LHFPL3: variants seen among roughly 807,000 people sequenced by gnomAD.
LHFPL3 encodes the protein LHFPL tetraspan subfamily member 3.
LHFPL3 carries 5 observed loss-of-function variants against 19.3 expected under a neutral mutation model. The ratio of observed to expected loss-of-function variants is 0.26; its 90% confidence interval spans 0.14 to 0.54. LHFPL3 has a LOEUF of 0.54. Ranked by LOEUF, LHFPL3 falls within the 20% of genes least tolerant of loss-of-function variation. The pLI, the probability that LHFPL3 is intolerant of heterozygous loss-of-function variation, is 0.94. For synonymous variants in LHFPL3, 133 were observed against 126.2 expected, an observed-to-expected ratio of 1.05 and a Z score of -0.36; for missense variants, 249 against 307.4, an observed-to-expected ratio of 0.81 and a Z score of 1.42.
At chr7:104,329,519 C>G (rs1801531238) in intron 1 of LHFPL3, among the ~76,000 whole-genome samples, 2 of 152,240 alleles carry the variant, frequency 1.3e-5, no homozygotes, top group South Asian at 4.1e-4. Flanking sequence ...CCGCTCAGAA[C>G]TAAGGATGGT....
Position 104,328,788 on chromosome 7 carries a change from AGCCGCCGCCGCTGCCGCC to A in LHFPL3, c.21_38del (p.Ala9_Ala14del), listed in dbSNP as rs754448473. 26 of 1,593,300 alleles carry A rather than the reference AGCCGCCGCCGCTGCCGCC, an allele frequency of 1.6e-5. 1 individual carries two copies. The highest frequency in any genetic ancestry group is 1.6e-4 in the East Asian group (7 of 43,644). The stretch of plus-strand genomic sequence containing the variant: ...GGAGGAGGAGGGGGAGAATGCCCGG[AGCCGCCGCCGCTGCCGCC>A]GCCGCCGCCGCCGCGATGCTCCCGG... On this transcript the variant is annotated inframe_deletion, in exon 1 of 3. Coordinates refer to ENST00000424859, the MANE Select transcript of LHFPL3 (RefSeq NM_199000.3). The surrounding 1 kb of genome is among the most constrained non-coding windows in gnomAD (Gnocchi z 4.6).
chr7:104,796,270 T>G lies in LHFPL3; in HGVS notation c.682+59359T>G, dbSNP rs1053205444. Reference sequence around the variant, plus strand: ...AGAGTGTGTGACCGGGGGGCTGGTTTGTTTTCAACCATTGTGTAGGGAAGA... The same window carrying G: ...AGAGTGTGTGACCGGGGGGCTGGTTGGTTTTCAACCATTGTGTAGGGAAGA... On this transcript the variant is annotated intron_variant, in intron 2 of 2. Coordinates refer to ENST00000424859, the MANE Select transcript of LHFPL3 (RefSeq NM_199000.3). Among the ~76,000 whole-genome samples, 10 of 152,176 alleles carry G rather than the reference T, an allele frequency of 6.6e-5. 1 individual carries two copies. Among genetic ancestry groups the G allele is most frequent in the Non-Finnish European group, 1.5e-4 (10 of 68,032 alleles).
At chr7:104,659,092 T>C (rs1338556285) in intron 1 of LHFPL3, among the ~76,000 whole-genome samples, 1 of 152,230 alleles carries the variant, frequency 6.6e-6, no homozygotes, top group Non-Finnish European at 1.5e-5. Flanking sequence ...TGCCTTTGCA[T>C]GTGACCTTCC....
At chr7:104,839,225 G>C (rs1471223947) in intron 2 of LHFPL3, among the ~76,000 whole-genome samples, 1 of 152,184 alleles carries the variant, frequency 6.6e-6, no homozygotes, top group Non-Finnish European at 1.5e-5. Context: ...AAATTGGTAA[G>C]ATTGTAAAAC....
chr7:104,639,340 C>T (rs1554418508), intron 1 of LHFPL3, among the ~76,000 whole-genome samples: 1 of 152,004 alleles, frequency 6.6e-6, no homozygotes, highest in South Asian at 2.1e-4. Flanking sequence ...CCATTTTTTT[C>T]CAGATTTTCT....
chr7:104,742,742 T>C (rs533794442), intron 2 of LHFPL3, among the ~76,000 whole-genome samples: 3 of 152,346 alleles, frequency 2.0e-5, no homozygotes, highest in East Asian at 3.9e-4. Context: ...TCTTCAGAGG[T>C]GTTCTTTAAA....
intron 1 of LHFPL3, among the ~76,000 whole-genome samples, chr7:104,519,154 A>G (rs1340063838): frequency 6.6e-6 from 1 of 152,090 alleles, no homozygotes; most frequent in African/African-American, 2.4e-5. Context: ...ACTCTTCCCA[A>G]AAGACATCTG....
In LHFPL3 at chr7:104,908,274, T is replaced by C. The variant is rs1792657320; in HGVS notation, c.*2059T>C. Among the ~76,000 whole-genome samples the C allele has an allele frequency of 6.6e-6, 1 of 152,188 alleles. No homozygotes were observed. Among genetic ancestry groups the C allele is most frequent in the Non-Finnish European group, 1.5e-5 (1 of 68,016 alleles). ...TTTTTGCCATAAAACCTAAGTGTAA[T>C]TTAGCATACCACAGTGCTCTGAAGA... is the stretch of plus-strand genomic sequence containing the variant. On this transcript the variant is annotated 3_prime_UTR_variant, in exon 3 of 3. Transcript: ENST00000424859.
chr7:104,736,760 C>T lies in LHFPL3; in HGVS notation c.531C>T (p.Asp177=), dbSNP rs760742907. The part of the protein sequence containing the change: ...EVKRMCGEKT[D]KYTLGACSVR... Reference sequence around the variant, plus strand: ...AACGGATGTGTGGAGAAAAGACAGACAAGTACACTCTTGGGGCTTGCTCAG... The same window carrying T: ...AACGGATGTGTGGAGAAAAGACAGATAAGTACACTCTTGGGGCTTGCTCAG... Residue 177 remains aspartate, a synonymous_variant, in exon 2 of 3, where the codon GAC becomes GAT. Coordinates refer to ENST00000424859, the MANE Select transcript of LHFPL3 (RefSeq NM_199000.3). 6.2e-7 allele frequency: 1 copy of T among 1,613,706 alleles called. No individual in the cohort carries two copies. The highest frequency in any genetic ancestry group is 8.5e-7 in the Non-Finnish European group (1 of 1,179,816).
chr7:104,437,488 C>T (rs1178923221), intron 1 of LHFPL3, among the ~76,000 whole-genome samples: 1 of 152,162 alleles, frequency 6.6e-6, no homozygotes, highest in Non-Finnish European at 1.5e-5. Context: ...CCCTTCCCCA[C>T]AGGTTAAGGT....
At chr7:104,637,462 A>C (rs1389061687) in intron 1 of LHFPL3, among the ~76,000 whole-genome samples, 1 of 152,144 alleles carries the variant, frequency 6.6e-6, no homozygotes, top group Non-Finnish European at 1.5e-5. Flanking sequence ...GCCAGTTCCT[A>C]TGTCCAGAAT....
intron 2 of LHFPL3, among the ~76,000 whole-genome samples, chr7:104,892,110 T>C (rs892813806): frequency 6.6e-5 from 10 of 152,242 alleles, no homozygotes; most frequent in African/African-American, 2.2e-4. Flanking sequence ...CAAGAATGCA[T>C]TGGGTGATAC....
intron 1 of LHFPL3, among the ~76,000 whole-genome samples, chr7:104,562,740 TGGA>T (rs1790033749): frequency 2.6e-5 from 4 of 152,010 alleles, no homozygotes; most frequent in Admixed American, 2.6e-4. Flanking sequence ...TGCGTTCCTT[TGGA>T]GGAGGAGAGG....
At chr7:104,846,000 T>A (rs1353411196) in intron 2 of LHFPL3, among the ~76,000 whole-genome samples, 1 of 152,182 alleles carries the variant, frequency 6.6e-6, no homozygotes, top group Non-Finnish European at 1.5e-5. Context: ...TGTGTACACA[T>A]ATGTATGCGA....
rs71155514 is a variant in LHFPL3 at position 104,666,512 on chromosome 7, C to CTTTTTTTTTTTTTTTTT, written c.446-70152_446-70136dup. ...TTGCTGAAAATGACAGGATTTCATTCTTTTTTTTTTTTTTTTTTTTTTTTT... is the reference window on the plus strand; with the variant it reads ...TTGCTGAAAATGACAGGATTTCATTCTTTTTTTTTTTTTTTTTTTTTTTTTTTTTTTTTTTTTTTTTT... On this transcript the variant is annotated intron_variant, in intron 1 of 2. Transcript: ENST00000424859. 5.7e-4 allele frequency among the ~76,000 whole-genome samples: 24 copies of CTTTTTTTTTTTTTTTTT among 42,236 alleles called. 10 individuals are homozygous for CTTTTTTTTTTTTTTTTT. Among genetic ancestry groups the CTTTTTTTTTTTTTTTTT allele is most frequent in the South Asian group, 2.7e-3 (2 of 730 alleles). 27.7% of individuals were successfully genotyped at this position (42,236 alleles called of 152,430 possible).
At chr7:104,365,801 A>AAAAAAAAAAAAG (rs893610992) in intron 1 of LHFPL3, among the ~76,000 whole-genome samples, 4,069 of 140,940 alleles carry the variant, frequency 0.029, 170 homozygotes, top group Non-Finnish European at 0.047. Context: ...AAAAAAAAAA[A>AAAAAAAAAAAAG]AAAAGAAAAG....
At chr7:104,884,078 TAAG>T (rs1792102567) in intron 2 of LHFPL3, among the ~76,000 whole-genome samples, 1 of 152,034 alleles carries the variant, frequency 6.6e-6, no homozygotes, top group African/African-American at 2.4e-5. Context: ...ACAGAGATAA[TAAG>T]AAGTGGTAAG....
At chr7:104,506,611 A>G (rs947088811) in intron 1 of LHFPL3, among the ~76,000 whole-genome samples, 1 of 152,246 alleles carries the variant, frequency 6.6e-6, no homozygotes, top group African/African-American at 2.4e-5. Context: ...TGCAACACTA[A>G]CAGATATAGA....
Position 104,448,584 on chromosome 7 carries a change from G to A in LHFPL3, c.445+119360G>A, listed in dbSNP as rs552151489. Among the ~76,000 whole-genome samples the A allele has an allele frequency of 2.6e-5, 4 of 152,292 alleles. No homozygotes were observed. The South Asian group carries it at 8.3e-4, about 32-fold the overall frequency. ...GCTAATTCCCTGTTCCCCTTTATGAGTATTTTGGAACCTCTTTTTGAAAAC... is the reference window on the plus strand; with the variant it reads ...GCTAATTCCCTGTTCCCCTTTATGAATATTTTGGAACCTCTTTTTGAAAAC... On this transcript the variant is annotated intron_variant, in intron 1 of 2. Transcript: ENST00000424859.
Sources: gnomAD v4.1 joint callset for allele counts (sites outside exome capture counted in the v4.1 genomes callset) on GRCh38, gnomAD v4.1.1 for gene constraint, Gnocchi (gnomAD v3.1) non-coding constraint, MANE v1.5 for transcripts, NCBI Gene and HGNC (gene_info 2026-07-23, HGNC 2026-07-21) for gene names.